The following PALLD variants were observed in gnomAD, a reference collection of about 807,000 sequenced individuals.
PALLD encodes palladin, cytoskeletal associated protein.
PALLD carries 61 observed loss-of-function variants against 123.5 expected under a neutral mutation model. The ratio of observed to expected loss-of-function variants is 0.49; its 90% CI spans 0.40 to 0.61. The LOEUF is 0.61. Among genes scored for constraint, PALLD ranks in the 20% least tolerant of loss-of-function variants. The pLI, the probability that PALLD is intolerant of heterozygous loss-of-function variation, is 0.00. For missense variants in PALLD, 1,273 were observed against 1,377.0 expected (o/e 0.92, Z 1.20); for synonymous variants, 465 against 496.4 (o/e 0.94, Z 0.84).
intron 2 of PALLD, among the ~76,000 whole-genome samples, chr4:168,577,947 G>A (rs1017354512): frequency 2.0e-5 from 3 of 151,928 alleles, no homozygotes; most frequent in East Asian, 1.9e-4. Context: ...GGGGCGGGGC[G>A]GGGGGAACGT....
intron 2 of PALLD, among the ~76,000 whole-genome samples, chr4:168,606,401 G>GT (rs1203101126): frequency 6.6e-6 from 1 of 152,126 alleles, no homozygotes; most frequent in African/African-American, 2.4e-5. Flanking sequence ...CTGGCCAGGC[G>GT]TGGTGGCTCA....
chr4:168,721,541 G>C (rs1201863259), intron 10 of PALLD, among the ~76,000 whole-genome samples: 1 of 152,158 alleles, frequency 6.6e-6, no homozygotes. Flanking sequence ...GGTTCTTTGA[G>C]TGCTGGAAAT....
chr4:168,627,434 T>C (rs1275542730), intron 2 of PALLD, among the ~76,000 whole-genome samples: 3 of 152,050 alleles, frequency 2.0e-5, no homozygotes, highest in African/African-American at 7.2e-5. Flanking sequence ...CACTTGGACC[T>C]AGGAAGAAGT....
chr4:168,788,874 G>T (rs984771759), intron 10 of PALLD, among the ~76,000 whole-genome samples: 4 of 151,826 alleles, frequency 2.6e-5, no homozygotes, highest in South Asian at 2.1e-4. Context: ...GGCAATAAAT[G>T]AATGAGTAAA....
intron 10 of PALLD, among the ~76,000 whole-genome samples, chr4:168,751,931 T>A (rs1244882628): frequency 6.6e-6 from 1 of 152,154 alleles, no homozygotes; most frequent in African/African-American, 2.4e-5. Flanking sequence ...GAAATAAGAT[T>A]GTCCTAAACA....
chr4:168,926,474 A>ATACC lies in PALLD; in HGVS notation c.*296_*299dup. The ATACC allele has an allele frequency of 2.3e-6, 2 of 888,474 alleles. No homozygotes were observed. The highest frequency in any genetic ancestry group is 3.4e-6 in the Non-Finnish European group (2 of 595,462). The allele number at this position is 888,474 out of a possible 1,614,324, so 55.0% of individuals were successfully genotyped here. Reference sequence around the variant, plus strand: ...GTCACATTATGTAAAAGGCAGAAACATACCTTTGACTATAAGAAATTAAAA... The same window carrying ATACC: ...GTCACATTATGTAAAAGGCAGAAACATACCTACCTTTGACTATAAGAAATTAAAA... On this transcript the variant is annotated 3_prime_UTR_variant, in exon 22 of 22. Coordinates refer to ENST00000505667, the MANE Select transcript of PALLD (RefSeq NM_001166108.2).
At chr4:168,817,463 G>A (rs1742134786) in intron 10 of PALLD, among the ~76,000 whole-genome samples, 1 of 152,164 alleles carries the variant, frequency 6.6e-6, no homozygotes, top group Non-Finnish European at 1.5e-5. Flanking sequence ...ATTAGATACA[G>A]TGTCTAACTT....
chr4:168,846,167 T>C (rs191700333), intron 10 of PALLD, among the ~76,000 whole-genome samples: 52 of 152,336 alleles, frequency 3.4e-4, no homozygotes, highest in Admixed American at 1.2e-3. Context: ...CACTGCACGC[T>C]TTACTATTTT....
intron 2 of PALLD, among the ~76,000 whole-genome samples, chr4:168,563,879 A>G (rs938828495): frequency 1.3e-5 from 2 of 152,206 alleles, no homozygotes; most frequent in Non-Finnish European, 2.9e-5. Context: ...TATTCATATG[A>G]ATTTATGGGG....
intron 8 of PALLD, among the ~76,000 whole-genome samples, chr4:168,697,337 G>A (rs139095165): frequency 6.6e-6 from 1 of 152,236 alleles, no homozygotes; most frequent in African/African-American, 2.4e-5. Flanking sequence ...ATGTAGAGGT[G>A]GGGTACAGGA....
At chr4:168,704,766 A>G (rs1561422577) in intron 8 of PALLD, among the ~76,000 whole-genome samples, 2 of 152,094 alleles carry the variant, frequency 1.3e-5, no homozygotes. Flanking sequence ...GAATAAAGAA[A>G]AAGAAGACAA....
chr4:168,835,218 T>C (rs544993006), intron 10 of PALLD, among the ~76,000 whole-genome samples: 34 of 152,314 alleles, frequency 2.2e-4, no homozygotes, highest in African/African-American at 7.7e-4. Flanking sequence ...TTTCAAGAGA[T>C]CCGGATAAAC....
chr4:168,508,867 T>C (rs1385270643), intron 1 of PALLD, among the ~76,000 whole-genome samples: 6 of 152,156 alleles, frequency 3.9e-5, no homozygotes, highest in African/African-American at 1.4e-4. Context: ...TTGATCCTGA[T>C]CCTGGCTTCC....
At chr4:168,523,325 A>C (rs1763747362) in intron 2 of PALLD, among the ~76,000 whole-genome samples, 1 of 152,074 alleles carries the variant, frequency 6.6e-6, no homozygotes, top group Non-Finnish European at 1.5e-5. Flanking sequence ...TCTCATCTGA[A>C]GATTAATGGT....
At chr4:168,774,723 A>T (rs1333605854) in intron 10 of PALLD, among the ~76,000 whole-genome samples, 2 of 144,006 alleles carry the variant, frequency 1.4e-5, no homozygotes, top group Non-Finnish European at 3.0e-5. Flanking sequence ...GCAAGACTGC[A>T]TCTCAAAAAA....
rs768485147 is a variant in PALLD, at chr4:168,894,641, T to G, written c.2163T>G (p.Phe721Leu). The change falls in exon 12 of 22, where the codon TTT becomes TTG. Residue 721 changes from phenylalanine (F) to leucine (L), a missense_variant. Phe to Leu is a conservative substitution (Grantham distance 22). Coordinates refer to ENST00000505667, the MANE Select transcript of PALLD (RefSeq NM_001166108.2). The stretch of plus-strand genomic sequence containing the variant: ...TAGGTGCTGACAGTGCAACTGTCTT[T>G]AATATTCAGGAGCCAGAAGAGGAAA... ...RLLGADSATVFNIQEPEEETA... is the reference protein window; with the variant it reads ...RLLGADSATVLNIQEPEEETA... The G allele has an allele frequency of 3.7e-5, 60 of 1,613,696 alleles. No individual in the cohort carries two copies. The highest frequency in any genetic ancestry group is 4.7e-5 in the Non-Finnish European group (55 of 1,179,782).
Position 168,666,409 on chromosome 4 carries a change from A to C in PALLD, c.909-1781A>C, listed in dbSNP as rs1005223664. Among the ~76,000 whole-genome samples the C allele has an allele frequency of 7.9e-5, 12 of 152,296 alleles. No individual in the cohort carries two copies. In the East Asian group the frequency reaches 2.3e-3, roughly 29 times the overall value. ...AATGCAGTTCCTCACACATAGAAGA[A>C]GCTCTGTTAGTGTATATTCAGTTTA... is the stretch of plus-strand genomic sequence containing the variant. On this transcript the variant is annotated intron_variant, in intron 2 of 21. Transcript: ENST00000505667.
chr4:168,566,955 T>C (rs1768455313), intron 2 of PALLD, among the ~76,000 whole-genome samples: 1 of 152,154 alleles, frequency 6.6e-6, no homozygotes. Context: ...CAAAACTTCC[T>C]CAGGAAACAT....
chr4:168,669,972 A>G (rs1017263929), intron 3 of PALLD, among the ~76,000 whole-genome samples: 2 of 152,220 alleles, frequency 1.3e-5, no homozygotes, highest in South Asian at 2.1e-4. Context: ...TAACCACCCT[A>G]TCATACTGAT....
Sources: allele counts gnomAD v4.1 joint callset (sites outside exome capture counted in the v4.1 genomes callset), GRCh38; gene constraint gnomAD v4.1.1; transcripts MANE v1.5; gene names NCBI Gene and HGNC (gene_info 2026-07-23, HGNC 2026-07-21).